Variants in PLCB4 observed in about 807,000 individuals in gnomAD.
The protein encoded by PLCB4 is 1-phosphatidylinositol 4,5-bisphosphate phosphodiesterase beta-4.
In PLCB4, 77 loss-of-function variants were observed where a neutral mutation model predicts 178.8. That is an observed-to-expected ratio of 0.43 (90% CI 0.36 to 0.52). The LOEUF (loss-of-function observed/expected upper bound fraction) is 0.52. Ranked by LOEUF, PLCB4 falls within the 20% of genes least tolerant of loss-of-function variation. The pLI is 0.00. For missense variants in PLCB4, 1,024 were observed against 1,453.4 expected (o/e 0.70, Z 4.80); for synonymous variants, 496 against 490.8 (o/e 1.01, Z -0.14).
chr20:9,148,710 C>A (rs1303730513), intron 2 of PLCB4, among the ~76,000 whole-genome samples: 2 of 152,162 alleles, frequency 1.3e-5, no homozygotes, highest in African/African-American at 4.8e-5. Flanking sequence ...TGGTAGGGAA[C>A]AATCTGTGCT....
intron 8 of PLCB4, among the ~76,000 whole-genome samples, chr20:9,363,828 G>A (rs2035547986): frequency 1.3e-5 from 2 of 152,306 alleles, no homozygotes; most frequent in Admixed American, 6.5e-5. Flanking sequence ...TTATGCCCCA[G>A]CACCAAGAGT....
intron 2 of PLCB4, among the ~76,000 whole-genome samples, chr20:9,108,893 G>A (rs954420719): frequency 8.8e-6 from 1 of 114,258 alleles, no homozygotes; most frequent in African/African-American, 3.8e-5. Context: ...GAGGAAGAGA[G>A]AAAACAAGAG....
chr20:9,069,126 C>CACACACACGCGCGT lies in PLCB4; in HGVS notation c.-208_-195dup, dbSNP rs1198293444. 2 of 153,114 alleles carry CACACACACGCGCGT rather than the reference C, an allele frequency of 1.3e-5. No homozygotes were observed. Among genetic ancestry groups the CACACACACGCGCGT allele is most frequent in the Non-Finnish European group, 2.9e-5 (2 of 68,466 alleles). The allele number at this position is 153,114 out of a possible 1,614,324, so 9.5% of individuals were successfully genotyped here. ...ACACGCACACGCACACACGGGCGCG[C>CACACACACGCGCGT]ACACACACGCGCGTACACACTGGGT... On this transcript the variant is annotated 5_prime_UTR_variant, in exon 1 of 40. Transcript: ENST00000378473.
chr20:9,276,164 G>C (rs2094448663), intron 3 of PLCB4, among the ~76,000 whole-genome samples: 1 of 152,082 alleles, frequency 6.6e-6, no homozygotes, highest in African/African-American at 2.4e-5. Flanking sequence ...TACTGGGCAG[G>C]TGAAGGGGTT....
intron 2 of PLCB4, among the ~76,000 whole-genome samples, chr20:9,193,262 A>G (rs1047331664): frequency 6.6e-6 from 1 of 152,236 alleles, no homozygotes; most frequent in Non-Finnish European, 1.5e-5. Flanking sequence ...AGACAGAGAC[A>G]TGAAGGAAGC....
intron 2 of PLCB4, among the ~76,000 whole-genome samples, chr20:9,187,204 A>G (rs1457695305): frequency 6.6e-6 from 1 of 151,736 alleles, no homozygotes; most frequent in East Asian, 1.9e-4. Flanking sequence ...CAAACTCCTG[A>G]CCTCAAGTGA....
chr20:9,107,440 A>G (rs1289494910), intron 2 of PLCB4, among the ~76,000 whole-genome samples: 1 of 152,048 alleles, frequency 6.6e-6, no homozygotes, highest in Non-Finnish European at 1.5e-5. Flanking sequence ...AAGCCTACCC[A>G]CCCCGGCCTG....
intron 3 of PLCB4, among the ~76,000 whole-genome samples, chr20:9,265,372 A>G (rs1221567718): frequency 6.6e-6 from 1 of 152,068 alleles, no homozygotes; most frequent in Non-Finnish European, 1.5e-5. Context: ...AATCCCTGCT[A>G]CTCGGGAGGC....
At chr20:9,205,016 T>C (rs2093599492) in intron 2 of PLCB4, among the ~76,000 whole-genome samples, 1 of 152,248 alleles carries the variant, frequency 6.6e-6, no homozygotes, top group African/African-American at 2.4e-5. Flanking sequence ...AGACAGTTCT[T>C]GACTTATGAT....
intron 7 of PLCB4, among the ~76,000 whole-genome samples, chr20:9,340,668 G>A (rs964841233): frequency 3.3e-5 from 5 of 152,112 alleles, no homozygotes; most frequent in Admixed American, 2.6e-4. Context: ...GATGCAGTAT[G>A]AGCTCAAGTA....
intron 3 of PLCB4, among the ~76,000 whole-genome samples, chr20:9,252,713 C>A (rs2094194021): frequency 6.6e-6 from 1 of 152,180 alleles, no homozygotes; most frequent in Non-Finnish European, 1.5e-5. Flanking sequence ...ATCAATGGAG[C>A]TGGGCTTCAT....
intron 7 of PLCB4, 69 bp downstream of exon 7, chr20:9,339,106 G>C: frequency 8.6e-7 from 1 of 1,162,664 alleles, no homozygotes; most frequent in East Asian, 2.5e-5. Flanking sequence ...AATTTTATGC[G>C]TGCTATATTT....
At chr20:9,265,837 G>A (rs1163099306) in intron 3 of PLCB4, among the ~76,000 whole-genome samples, 1 of 152,148 alleles carries the variant, frequency 6.6e-6, no homozygotes, top group Admixed American at 6.6e-5. Context: ...CTGGGCAAGC[G>A]GCAGCATGGT....
At chr20:9,397,642 A>G (rs1318639598) in intron 19 of PLCB4, among the ~76,000 whole-genome samples, 2 of 152,208 alleles carry the variant, frequency 1.3e-5, no homozygotes, top group Non-Finnish European at 2.9e-5. Context: ...AGACTTTATA[A>G]GTGATTCAGT....
Position 9,132,978 on chromosome 20 carries a change from C to G in PLCB4, c.-79+36636C>G, listed in dbSNP as rs1033006815. Among the ~76,000 whole-genome samples, 4 of 152,182 alleles carry G rather than the reference C, an allele frequency of 2.6e-5. No individual in the cohort carries two copies. The South Asian group carries it at 6.2e-4, about 24-fold the overall frequency. On this transcript the variant is annotated intron_variant, in intron 2 of 39. Transcript: ENST00000378473. ...ACCATCCCACAATGCCCAGGACCAC[C>G]CCCCGACAACAAGGAATTAACCAGC...
chr20:9,433,906 C>T (rs192167770), intron 28 of PLCB4, among the ~76,000 whole-genome samples: 5 of 152,220 alleles, frequency 3.3e-5, no homozygotes, highest in South Asian at 2.1e-4. Flanking sequence ...GATGCAATTT[C>T]GGTGGAGTGC....
At chr20:9,206,351 T>G (rs2093615609) in intron 2 of PLCB4, among the ~76,000 whole-genome samples, 1 of 150,520 alleles carries the variant, frequency 6.6e-6, no homozygotes. Context: ...AAACCCTTTG[T>G]ATTTCTATCC....
intron 28 of PLCB4, among the ~76,000 whole-genome samples, chr20:9,429,257 A>G (rs1370302962): frequency 6.6e-6 from 1 of 152,138 alleles, no homozygotes; most frequent in Admixed American, 6.5e-5. Flanking sequence ...GTTTGCATGC[A>G]TCCATCTCTA....
intron 14 of PLCB4, 91 bp from the exon 15 acceptor site, chr20:9,387,372 G>A: frequency 1.5e-6 from 1 of 669,580 alleles, no homozygotes; most frequent in Admixed American, 3.0e-5. Context: ...TGTTCTGGAA[G>A]AAAACAACTT....
Sources: gnomAD v4.1 joint callset for allele counts (sites outside exome capture counted in the v4.1 genomes callset) on GRCh38, gnomAD v4.1.1 for gene constraint, MANE v1.5 for transcripts, NCBI Gene and HGNC (gene_info 2026-07-23, HGNC 2026-07-21) for gene names.